Variants in LRRTM4 observed in about 807,000 individuals in gnomAD.
LRRTM4 encodes leucine-rich repeat transmembrane neuronal protein 4.
A neutral mutation model predicts 47.6 loss-of-function variants in LRRTM4; 25 were observed. The ratio of observed to expected loss-of-function variants is 0.53; its 90% confidence interval spans 0.38 to 0.73. The LOEUF is 0.73. Among genes scored for constraint, LRRTM4 ranks in the 30% least tolerant of loss-of-function variants. The probability of loss-of-function intolerance (pLI) is 0.00; values close to 1 mark genes in which losing one functional copy is unlikely to be tolerated. For missense variants in LRRTM4, 638 were observed against 713.4 expected, an observed-to-expected ratio of 0.89 and a Z score of 1.20; for synonymous variants, 311 against 269.5, an observed-to-expected ratio of 1.15 and a Z score of -1.51.
intron 3 of LRRTM4, among the ~76,000 whole-genome samples, chr2:77,188,824 G>A (rs1673584935): frequency 6.6e-6 from 1 of 152,252 alleles, no homozygotes; most frequent in South Asian, 2.1e-4. Context: ...GGAAGCATGG[G>A]GAAATCCTTG....
chr2:77,251,088 A>G lies in LRRTM4; in HGVS notation c.1551+267230T>C, dbSNP rs561258976. 1.3e-3 allele frequency among the ~76,000 whole-genome samples: 191 copies of G among 150,958 alleles called. 1 individual carries two copies. The highest frequency in any genetic ancestry group is 1.3e-3 in the Non-Finnish European group (87 of 67,890). ...ATTGCACTCCAGCCTGGGCAACAAG[A>G]GCAAAACTCTGTCTTCAAGAAAAAA... is the stretch of plus-strand genomic sequence containing the variant. On this transcript the variant is annotated intron_variant, in intron 3 of 3. Transcript: ENST00000409884.
chr2:77,439,072 G>A (rs1675727754), intron 3 of LRRTM4, among the ~76,000 whole-genome samples: 1 of 152,166 alleles, frequency 6.6e-6, no homozygotes, highest in Admixed American at 6.5e-5. Flanking sequence ...TAGAAAGTAA[G>A]TAACTAGGAC....
chr2:77,388,360 G>A (rs976441654), intron 3 of LRRTM4, among the ~76,000 whole-genome samples: 7 of 151,988 alleles, frequency 4.6e-5, no homozygotes, highest in African/African-American at 1.7e-4. Flanking sequence ...TTTCTCTACG[G>A]CAGACATTCA....
intron 3 of LRRTM4, among the ~76,000 whole-genome samples, chr2:77,054,389 C>CT (rs1222874851): frequency 6.6e-6 from 1 of 152,206 alleles, no homozygotes; most frequent in African/African-American, 2.4e-5. Flanking sequence ...AGCAGCCACT[C>CT]TTATTTCCAA....
At chr2:76,916,704 T>C (rs1223659966) in intron 3 of LRRTM4, among the ~76,000 whole-genome samples, 1 of 152,192 alleles carries the variant, frequency 6.6e-6, no homozygotes, top group East Asian at 1.9e-4. Context: ...TTCAAAGCCA[T>C]GGTGTTTTGA....
At position 76,898,822 on chromosome 2, in the gene LRRTM4, T is replaced by C. The variant is rs1040641147; in HGVS notation, c.1552-149906A>G. Among the ~76,000 whole-genome samples the C allele has an allele frequency of 2.0e-5, 3 of 151,078 alleles. No individual in the cohort carries two copies. In the East Asian group the frequency reaches 5.8e-4, roughly 29 times the overall value. On this transcript the variant is annotated intron_variant, in intron 3 of 3. Transcript: ENST00000409884. The stretch of plus-strand genomic sequence containing the variant: ...TAATAGAGATTTTATATTTTATATA[T>C]ACTGACTGTATAAAATATAAAACTA...
intron 3 of LRRTM4, among the ~76,000 whole-genome samples, chr2:76,795,176 T>C (rs546596705): frequency 3.3e-5 from 5 of 151,974 alleles, no homozygotes; most frequent in South Asian, 2.1e-4. Flanking sequence ...TCAGCAAACA[T>C]AGAAAAAGGT....
At chr2:77,101,880 A>G (rs1407323982) in intron 3 of LRRTM4, among the ~76,000 whole-genome samples, 6 of 151,698 alleles carry the variant, frequency 4.0e-5, no homozygotes, top group African/African-American at 1.5e-4. Context: ...TTCTATTCCC[A>G]GTTTTTCGTA....
At chr2:76,896,101 T>A (rs774486352) in intron 3 of LRRTM4, among the ~76,000 whole-genome samples, 5 of 152,088 alleles carry the variant, frequency 3.3e-5, no homozygotes, top group Non-Finnish European at 7.4e-5. Flanking sequence ...ATTTATTACA[T>A]AGATGAACCC....
At chr2:77,148,787 GTATT>G (rs1276566041) in intron 3 of LRRTM4, among the ~76,000 whole-genome samples, 1 of 152,100 alleles carries the variant, frequency 6.6e-6, no homozygotes, top group Non-Finnish European at 1.5e-5. Context: ...AGGATTGTGT[GTATT>G]TATAATTCAA....
chr2:77,297,414 C>T (rs56394937), intron 3 of LRRTM4, among the ~76,000 whole-genome samples: 5,706 of 152,160 alleles, frequency 0.037, 361 homozygotes, highest in African/African-American at 0.13. Flanking sequence ...TCTATTGTGC[C>T]TCTAATGAGG....
Position 77,195,409 on chromosome 2 carries a change from C to T in LRRTM4, c.1551+322909G>A, listed in dbSNP as rs1225955218. Among the ~76,000 whole-genome samples the T allele has an allele frequency of 5.9e-5, 9 of 151,958 alleles. No individual in the cohort carries two copies. In the East Asian group the frequency reaches 1.5e-3, roughly 26 times the overall value. On this transcript the variant is annotated intron_variant, in intron 3 of 3. Coordinates refer to ENST00000409884, the MANE Select transcript of LRRTM4 (RefSeq NM_001134745.3). ...AATTTTAAAACCTAAGCACTTATAG[C>T]TTGAATAAACAAGACCATTACACGT...
At chr2:77,493,480 A>T (rs1678246828) in intron 3 of LRRTM4, among the ~76,000 whole-genome samples, 1 of 152,092 alleles carries the variant, frequency 6.6e-6, no homozygotes, top group East Asian at 1.9e-4. Context: ...GATTTATAAA[A>T]CTGTAAATAG....
chr2:76,853,633 GAAAAA>G (rs962073336), intron 3 of LRRTM4, among the ~76,000 whole-genome samples: 7 of 150,558 alleles, frequency 4.6e-5, no homozygotes, highest in African/African-American at 7.3e-5. Context: ...TCTGTGGATA[GAAAAA>G]AAAATGTACC....
At chr2:77,299,256 T>C (rs1386181598) in intron 3 of LRRTM4, among the ~76,000 whole-genome samples, 9 of 82,618 alleles carry the variant, frequency 1.1e-4, no homozygotes, top group African/African-American at 8.5e-5. Flanking sequence ...TCTATATATA[T>C]ATACACACAC....
In LRRTM4 at chr2:77,219,249, T is replaced by C. The variant is rs72913970; in HGVS notation, c.1551+299069A>G. On this transcript the variant is annotated intron_variant, in intron 3 of 3. Transcript: ENST00000409884. ...AGACCTAATCCTGTGAGAAAAGCAA[T>C]TGAAGAAACATAGAGAAACAACTTT... is the stretch of plus-strand genomic sequence containing the variant. 1.5e-3 allele frequency among the ~76,000 whole-genome samples: 230 copies of C among 152,274 alleles called. 2 individuals are homozygous for C. The highest frequency in any genetic ancestry group is 5.3e-3 in the African/African-American group (219 of 41,560).
chr2:76,924,903 G>T (rs1302030216), intron 3 of LRRTM4, among the ~76,000 whole-genome samples: 1 of 151,910 alleles, frequency 6.6e-6, no homozygotes, highest in Non-Finnish European at 1.5e-5. Context: ...ACCTCTTCAC[G>T]GTAACTTTAA....
chr2:76,835,579 T>C (rs1027197294), intron 3 of LRRTM4, among the ~76,000 whole-genome samples: 1 of 152,104 alleles, frequency 6.6e-6, no homozygotes, highest in Non-Finnish European at 1.5e-5. Context: ...ATAAATGCTC[T>C]GATCATAAGT....
chr2:76,805,379 A>G (rs1376911466), intron 3 of LRRTM4, among the ~76,000 whole-genome samples: 1 of 152,154 alleles, frequency 6.6e-6, no homozygotes, highest in Non-Finnish European at 1.5e-5. Context: ...AAAAGAAAAA[A>G]CTACTTAAAT....
Sources: gnomAD v4.1 joint callset for allele counts (sites outside exome capture counted in the v4.1 genomes callset) on GRCh38, gnomAD v4.1.1 for gene constraint, MANE v1.5 for transcripts, NCBI Gene and HGNC (gene_info 2026-07-23, HGNC 2026-07-21) for gene names.